PCLO: variants seen among roughly 807,000 people sequenced by gnomAD.
The protein encoded by PCLO is protein piccolo.
A neutral mutation model predicts 427.5 loss-of-function variants in PCLO; 82 were observed. The observed-to-expected ratio is 0.19, with a 90% CI of 0.16 to 0.23. The LOEUF is 0.23. Among genes scored for constraint, PCLO ranks in the 10% least tolerant of loss-of-function variants. The pLI, the probability that PCLO is intolerant of heterozygous loss-of-function variation, is 1.00. For missense variants in PCLO, 6,239 were observed against 6,115.9 expected, an observed-to-expected ratio of 1.02 and a Z score of -0.67; for synonymous variants, 2,357 against 2,155.4, an observed-to-expected ratio of 1.09 and a Z score of -2.59.
At position 82,951,033 on chromosome 7, in the gene PCLO, G is replaced by A; in HGVS notation, c.9555C>T (p.Thr3185=). The A allele has an allele frequency of 6.2e-7, 1 of 1,613,790 alleles. No homozygotes were observed. The highest frequency in any genetic ancestry group is 8.5e-7 in the Non-Finnish European group (1 of 1,179,782). Reference sequence around the variant, plus strand: ...CTTCAGGAAACACTTCGGATGCTGTGGTTAAAGTGGGAACAGAGTCTATCG... The same window carrying A: ...CTTCAGGAAACACTTCGGATGCTGTAGTTAAAGTGGGAACAGAGTCTATCG... ...AETIDSVPTL[T]TASEVFPEVV... is the part of the protein sequence containing the mutation. The change falls in exon 6 of 25, where the codon ACC becomes ACT. Residue 3185 remains threonine (T), a synonymous_variant. Coordinates refer to ENST00000333891, the MANE Select transcript of PCLO (RefSeq NM_033026.6).
intron 11 of PCLO, 76 bp from the exon 12 acceptor site, chr7:82,846,710 T>G: frequency 1.1e-6 from 1 of 908,354 alleles, no homozygotes. Flanking sequence ...CAACTACCCT[T>G]AATTTTTTTC....
intron 6 of PCLO, among the ~76,000 whole-genome samples, chr7:82,940,847 C>G (rs1795067878): frequency 6.7e-6 from 1 of 148,270 alleles, no homozygotes; most frequent in Non-Finnish European, 1.5e-5. Flanking sequence ...ACTGCAAGCT[C>G]CGCCTCCCGG....
At chr7:83,037,638 C>CT (rs75488738) in intron 3 of PCLO, among the ~76,000 whole-genome samples, 7 of 150,108 alleles carry the variant, frequency 4.7e-5, no homozygotes, top group East Asian at 2.0e-4. Flanking sequence ...CCAATTCTGA[C>CT]TTTTTTTTTA....
chr7:83,156,774 T>C (rs1312518520), intron 1 of PCLO, among the ~76,000 whole-genome samples: 1 of 152,140 alleles, frequency 6.6e-6, no homozygotes, highest in Admixed American at 6.5e-5. Context: ...AGTCATATTA[T>C]AAGGCATACA....
chr7:83,053,939 T>C (rs1163667249), intron 3 of PCLO, among the ~76,000 whole-genome samples: 2 of 151,944 alleles, frequency 1.3e-5, no homozygotes, highest in Non-Finnish European at 2.9e-5. Flanking sequence ...CTATGAAATA[T>C]AGGTATATAC....
In PCLO at chr7:83,016,260, G is replaced by T. The variant is rs12055891; in HGVS notation, c.3301-49773C>A. On this transcript the variant is annotated intron_variant, in intron 3 of 24. Transcript: ENST00000333891. ...TAATGCACACAGGTTGAGTAAAATG[G>T]GGGAAAAAAAAACAACGTGTGCAAA... Among the ~76,000 whole-genome samples the T allele has an allele frequency of 2.6e-5, 4 of 151,904 alleles. No individual in the cohort carries two copies. The East Asian group carries it at 7.7e-4, about 29-fold the overall frequency.
At chr7:83,035,060 T>C (rs757406271) in intron 3 of PCLO, among the ~76,000 whole-genome samples, 2 of 152,198 alleles carry the variant, frequency 1.3e-5, no homozygotes, top group African/African-American at 2.4e-5. Flanking sequence ...TAATATCCAT[T>C]TGAGTGCTCT....
chr7:83,143,033 A>G lies in PCLO; in HGVS notation c.1894-7377T>C, dbSNP rs77322686. 1.8e-4 allele frequency among the ~76,000 whole-genome samples: 28 copies of G among 152,330 alleles called. No homozygotes were observed. The East Asian group carries it at 4.6e-3, about 25-fold the overall frequency. On this transcript the variant is annotated intron_variant, in intron 2 of 24. Transcript: ENST00000333891. ...CCAAGTAATTTTTAGATATTATTTA[A>G]CGGTAAACTATGCAAAAGGCTTTTC... is the stretch of plus-strand genomic sequence containing the variant.
chr7:82,959,622 GC>G (rs1331692161), intron 4 of PCLO, among the ~76,000 whole-genome samples: 1 of 151,984 alleles, frequency 6.6e-6, no homozygotes, highest in Non-Finnish European at 1.5e-5. Flanking sequence ...CAAAATACCA[GC>G]CCTGCAATCT....
At position 82,954,541 on chromosome 7, in the gene PCLO, T is replaced by C. The variant is rs1170601687; in HGVS notation, c.6412A>G (p.Thr2138Ala). The part of the protein sequence containing the change: ...PDVKITQHFS[T>A]EEIEDEYVTD... ...ACATATTCATCCTCAATTTCTTCTG[T>C]TGAAAAATGTTGGGTTATTTTAACA... Residue 2138 changes from threonine to alanine, a missense_variant, in exon 5 of 25, where the codon ACA (threonine) becomes GCA (alanine). Physicochemically the swap from Thr to Ala is moderately conservative, Grantham distance 58. Transcript: ENST00000333891. 5 of 1,613,806 alleles carry C rather than the reference T, an allele frequency of 3.1e-6. No individual in the cohort carries two copies. Among genetic ancestry groups the C allele is most frequent in the Non-Finnish European group, 3.4e-6 (4 of 1,179,838 alleles).
At chr7:83,091,641 C>T (rs963330702) in intron 3 of PCLO, among the ~76,000 whole-genome samples, 4 of 152,068 alleles carry the variant, frequency 2.6e-5, no homozygotes, top group African/African-American at 9.7e-5. Flanking sequence ...TCATCTTTTT[C>T]CCCACATACT....
At chr7:83,033,430 T>C (rs546036063) in intron 3 of PCLO, among the ~76,000 whole-genome samples, 5 of 152,322 alleles carry the variant, frequency 3.3e-5, no homozygotes, top group African/African-American at 1.2e-4. Flanking sequence ...GGCATGTCTC[T>C]ACATGTAACC....
intron 3 of PCLO, among the ~76,000 whole-genome samples, chr7:82,986,936 G>A (rs1210173742): frequency 6.6e-6 from 1 of 151,836 alleles, no homozygotes; most frequent in Non-Finnish European, 1.5e-5. Context: ...CAAGGACAGA[G>A]CAAGACTTTA....
chr7:82,820,687 T>A (rs933123761), intron 20 of PCLO: 27 of 1,230,736 alleles, frequency 2.2e-5, no homozygotes, highest in African/African-American at 3.1e-5. Flanking sequence ...ATCCACTAAA[T>A]TTTTAAAAGT....
At chr7:82,759,183 A>T (rs1790380010) in intron 24 of PCLO, among the ~76,000 whole-genome samples, 2 of 151,990 alleles carry the variant, frequency 1.3e-5, no homozygotes, top group African/African-American at 4.8e-5. Flanking sequence ...TTACTATAGT[A>T]TGTACTTCCA....
chr7:83,162,614 G>A lies in PCLO; in HGVS notation c.-22C>T, dbSNP rs1350134919. 2.6e-6 allele frequency: 4 copies of A among 1,514,986 alleles called. No individual in the cohort carries two copies. The highest frequency in any genetic ancestry group is 3.5e-6 in the Non-Finnish European group (4 of 1,133,960). The allele number at this position is 1,514,986 out of a possible 1,614,324, so 93.8% of individuals were successfully genotyped here. A position where few individuals can be genotyped will look rare whatever the true frequency, so the allele number is the denominator to read the frequency against. On this transcript the variant is annotated 5_prime_UTR_variant, in exon 1 of 25. Coordinates refer to ENST00000333891, the MANE Select transcript of PCLO (RefSeq NM_033026.6). ...CCATGGCTCAGGGAGACTCGGGGCC[G>A]CCGCGCTCCCTCCTCGCGCCGCGTC...
chr7:83,157,852 A>T (rs1180841596), intron 1 of PCLO, among the ~76,000 whole-genome samples: 2 of 152,052 alleles, frequency 1.3e-5, no homozygotes, highest in African/African-American at 4.8e-5. Flanking sequence ...TAGCACCTAA[A>T]ATATAATATC....
intron 3 of PCLO, among the ~76,000 whole-genome samples, chr7:83,039,858 A>G (rs1788928639): frequency 6.6e-6 from 1 of 152,118 alleles, no homozygotes; most frequent in Non-Finnish European, 1.5e-5. Flanking sequence ...AATGTTTTGT[A>G]GTTTTCAGAG....
rs1795479950 is a variant in PCLO, at chr7:82,955,215, C to T, written c.5738G>A (p.Ser1913Asn). Reference protein sequence around the residue: ...QKEGSQKALKSAEEMYEEMMH... With the variant: ...QKEGSQKALKNAEEMYEEMMH... Reference sequence around the variant, plus strand: ...CATTTCTTCATACATCTCCTCAGCACTTTTTAACGCCTTTTGGCTACCTTC... The same window carrying T: ...CATTTCTTCATACATCTCCTCAGCATTTTTTAACGCCTTTTGGCTACCTTC... The change falls in exon 5 of 25, where the codon AGT (serine) becomes AAT (asparagine). Residue 1913 changes from serine (S) to asparagine (N), a missense_variant. Transcript: ENST00000333891. 10 of 1,613,806 alleles carry T rather than the reference C, an allele frequency of 6.2e-6. No homozygotes were observed. The highest frequency in any genetic ancestry group is 8.5e-6 in the Non-Finnish European group (10 of 1,179,826).
Sources: allele counts gnomAD v4.1 joint callset (sites outside exome capture counted in the v4.1 genomes callset), GRCh38; gene constraint gnomAD v4.1.1; transcripts MANE v1.5; gene names NCBI Gene and HGNC (gene_info 2026-07-23, HGNC 2026-07-21).